Variants in SFMBT2 observed in about 807,000 individuals in gnomAD.
SFMBT2 encodes scm-like with four MBT domains protein 2.
Under a neutral mutation model 110.1 loss-of-function variants are expected in SFMBT2, and 38 were observed. That is an observed-to-expected ratio of 0.35 (90% CI 0.27 to 0.45). The LOEUF is 0.45. Ranked by LOEUF, SFMBT2 falls within the 20% of genes least tolerant of loss-of-function variation. SFMBT2 has a pLI of 1.00. For synonymous variants in SFMBT2, 425 were observed against 425.4 expected, an observed-to-expected ratio of 1.00 and a Z score of 0.01; for missense variants, 1,011 against 1,094.9, an observed-to-expected ratio of 0.92 and a Z score of 1.08.
intron 4 of SFMBT2, among the ~76,000 whole-genome samples, chr10:7,321,591 TC>T (rs1588447013): frequency 1.3e-5 from 2 of 152,306 alleles, no homozygotes; most frequent in East Asian, 3.9e-4. Flanking sequence ...ACTCACCAAA[TC>T]ATTAAGAAAA....
chr10:7,397,958 T>A (rs1028274182), intron 1 of SFMBT2, among the ~76,000 whole-genome samples: 4 of 152,232 alleles, frequency 2.6e-5, no homozygotes, highest in African/African-American at 9.6e-5. Context: ...GGGGCAGGAG[T>A]TCACCTTGCC....
chr10:7,303,297 C>T (rs962744236), intron 4 of SFMBT2, among the ~76,000 whole-genome samples: 2 of 152,196 alleles, frequency 1.3e-5, no homozygotes, highest in African/African-American at 2.4e-5. Context: ...CCTGTTAACA[C>T]TAAGACTGTA....
Position 7,301,925 on chromosome 10 carries a change from A to G in SFMBT2, c.437-15971T>C, listed in dbSNP as rs1842568597. ...AGGAGCTAATCCAGCATAGTTATGCAGACTAGAACCTCCACTGACCCCAAG... is the reference window on the plus strand; with the variant it reads ...AGGAGCTAATCCAGCATAGTTATGCGGACTAGAACCTCCACTGACCCCAAG... On this transcript the variant is annotated intron_variant, in intron 4 of 20. Coordinates refer to ENST00000397167, the MANE Select transcript of SFMBT2 (RefSeq NM_001387889.1). This position sits in a 1 kb window ranked among gnomAD's most constrained non-coding sequence, Gnocchi z 4.2. Among the ~76,000 whole-genome samples, 2 of 152,136 alleles carry G rather than the reference A, an allele frequency of 1.3e-5. No individual in the cohort carries two copies. The highest frequency in any genetic ancestry group is 2.9e-5 in the Non-Finnish European group (2 of 68,022).
intron 4 of SFMBT2, among the ~76,000 whole-genome samples, chr10:7,347,072 G>T (rs548963147): frequency 1.9e-4 from 29 of 152,280 alleles, no homozygotes; most frequent in African/African-American, 6.3e-4. Flanking sequence ...CTGTCCCCCA[G>T]GGCTTTTTTC....
intron 4 of SFMBT2, among the ~76,000 whole-genome samples, chr10:7,290,037 T>C (rs913192349): frequency 6.6e-6 from 1 of 152,210 alleles, no homozygotes; most frequent in African/African-American, 2.4e-5. Context: ...GATCATTATC[T>C]TATTCTTCAA....
intron 4 of SFMBT2, among the ~76,000 whole-genome samples, chr10:7,326,824 T>C (rs1843399254): frequency 6.6e-6 from 1 of 152,200 alleles, no homozygotes; most frequent in South Asian, 2.1e-4. Context: ...CTTTGTTTCC[T>C]GGTCCCAAAG....
At chr10:7,255,609 G>A (rs1035979320) in intron 7 of SFMBT2, among the ~76,000 whole-genome samples, 6 of 152,140 alleles carry the variant, frequency 3.9e-5, no homozygotes, top group Non-Finnish European at 7.4e-5. Context: ...GTCTTCACAG[G>A]CTACTGTGGC....
chr10:7,365,732 C>T (rs1399231609), intron 4 of SFMBT2, among the ~76,000 whole-genome samples: 3 of 152,118 alleles, frequency 2.0e-5, no homozygotes, highest in Non-Finnish European at 4.4e-5. Context: ...ACACAAAAGG[C>T]CACACAGCAT....
chr10:7,230,888 C>T (rs1189156745), intron 9 of SFMBT2, among the ~76,000 whole-genome samples: 6 of 152,158 alleles, frequency 3.9e-5, no homozygotes, highest in Admixed American at 6.5e-5. Context: ...GCCAACATCA[C>T]ACCACTGCAC....
chr10:7,319,968 AAGAC>A (rs1843130674), intron 4 of SFMBT2, among the ~76,000 whole-genome samples: 1 of 145,472 alleles, frequency 6.9e-6, no homozygotes, highest in Non-Finnish European at 1.5e-5. Flanking sequence ...GAGAGAGATG[AAGAC>A]AGAGAGACAC....
At chr10:7,285,778 A>G in intron 5 of SFMBT2, 88 bp downstream of exon 5, 1 of 765,178 alleles carries the variant, frequency 1.3e-6, no homozygotes, top group Non-Finnish European at 2.4e-6. Flanking sequence ...GCATCTGCTG[A>G]AGGATATATG....
intron 4 of SFMBT2, among the ~76,000 whole-genome samples, chr10:7,345,626 G>A (rs916739847): frequency 1.3e-4 from 20 of 152,152 alleles, no homozygotes; most frequent in Non-Finnish European, 2.8e-4. Flanking sequence ...CAAAATGCTG[G>A]GATTACAAGC....
At chr10:7,376,854 C>CAA (rs112996489) in intron 2 of SFMBT2, among the ~76,000 whole-genome samples, 96,650 of 123,430 alleles carry the variant, frequency 0.78, 38,830 homozygotes, top group East Asian at 0.99. Context: ...TGGACAGTGG[C>CAA]AAAAAAAAAA....
intron 9 of SFMBT2, among the ~76,000 whole-genome samples, chr10:7,239,359 A>G (rs1840364732): frequency 6.6e-6 from 1 of 152,252 alleles, no homozygotes; most frequent in African/African-American, 2.4e-5. Context: ...AATTTAATTT[A>G]GACACAATAA....
chr10:7,330,770 A>G (rs1032657934), intron 4 of SFMBT2, among the ~76,000 whole-genome samples: 2 of 151,866 alleles, frequency 1.3e-5, no homozygotes, highest in African/African-American at 2.4e-5. Context: ...TGGTTCTTTA[A>G]TTTTTGCTAT....
chr10:7,377,533 G>C lies in SFMBT2; in HGVS notation c.100+4266C>G, dbSNP rs576571360. ...GATATAGAATCAGTGGGAATCCTGG[G>C]CTTGTTTTCCTGCAACTAGACAGTC... is the stretch of plus-strand genomic sequence containing the variant. On this transcript the variant is annotated intron_variant, in intron 2 of 20. Coordinates refer to ENST00000397167, the MANE Select transcript of SFMBT2 (RefSeq NM_001387889.1). Among the ~76,000 whole-genome samples the C allele has an allele frequency of 4.9e-4, 74 of 152,250 alleles. 1 individual carries two copies. The Middle Eastern group carries it at 0.017, about 35-fold the overall frequency.
At chr10:7,205,006 C>T (rs189605803) in intron 12 of SFMBT2, 18 of 790,660 alleles carry the variant, frequency 2.3e-5, no homozygotes, top group South Asian at 5.8e-5. Context: ...ACCAAAGGGA[C>T]GTGTGGTAAT....
At chr10:7,234,160 C>A (rs1840189004) in intron 9 of SFMBT2, among the ~76,000 whole-genome samples, 1 of 152,192 alleles carries the variant, frequency 6.6e-6, no homozygotes, top group African/African-American at 2.4e-5. Flanking sequence ...CACTTTCATT[C>A]ATTCCCAATT....
intron 9 of SFMBT2, among the ~76,000 whole-genome samples, chr10:7,236,287 A>G (rs954615095): frequency 6.6e-6 from 1 of 152,192 alleles, no homozygotes; most frequent in Non-Finnish European, 1.5e-5. Context: ...TCTTTATAGA[A>G]CCTTACAAAC....
Sources: allele counts gnomAD v4.1 joint callset (sites outside exome capture counted in the v4.1 genomes callset), GRCh38; gene constraint gnomAD v4.1.1; non-coding constraint Gnocchi (gnomAD v3.1); transcripts MANE v1.5; gene names NCBI Gene and HGNC (gene_info 2026-07-23, HGNC 2026-07-21).